The following CCNT2 variants were observed in gnomAD, a reference collection of about 807,000 sequenced individuals.
CCNT2 encodes cyclin-T2.
Under a neutral mutation model 70.0 loss-of-function variants are expected in CCNT2, and 18 were observed. The observed-to-expected ratio is 0.26, with a 90% CI of 0.18 to 0.38. The LOEUF (loss-of-function observed/expected upper bound fraction) is 0.38. Ranked by LOEUF, CCNT2 falls within the 10% of genes least tolerant of loss-of-function variation. The pLI, the probability that CCNT2 is intolerant of heterozygous loss-of-function variation, is 1.00. For synonymous variants in CCNT2, 334 were observed against 313.3 expected (o/e 1.07, Z -0.70); for missense variants, 734 against 890.2 (o/e 0.82, Z 2.23).
At chr2:134,930,345 T>G (rs1680650350) in intron 2 of CCNT2, among the ~76,000 whole-genome samples, 1 of 152,228 alleles carries the variant, frequency 6.6e-6, no homozygotes, top group African/African-American at 2.4e-5. Flanking sequence ...TAATATTCTA[T>G]TCGTCATGTG....
intron 5 of CCNT2, chr2:134,945,586 G>A: frequency 1.0e-6 from 1 of 985,348 alleles, no homozygotes; most frequent in Non-Finnish European, 1.2e-6. Flanking sequence ...ATTCTCTGTT[G>A]ATGCTTAATA....
At chr2:134,927,753 C>T (rs1275482428) in intron 2 of CCNT2, among the ~76,000 whole-genome samples, 1 of 152,116 alleles carries the variant, frequency 6.6e-6, no homozygotes, top group Non-Finnish European at 1.5e-5. Context: ...TATAAACATA[C>T]ATATACATTC....
intron 4 of CCNT2, among the ~76,000 whole-genome samples, chr2:134,941,344 ATTTTC>A (rs1681564933): frequency 6.6e-6 from 1 of 152,064 alleles, no homozygotes; most frequent in Non-Finnish European, 1.5e-5. Flanking sequence ...CTTCCTTATG[ATTTTC>A]TTAATAGTTT....
At position 134,921,259 on chromosome 2, in the gene CCNT2, A is replaced by G. The variant is rs555752733; in HGVS notation, c.240+1368A>G. Among the ~76,000 whole-genome samples the G allele has an allele frequency of 8.9e-4, 135 of 152,360 alleles. 1 individual carries two copies. Among genetic ancestry groups the G allele is most frequent in the African/African-American group, 3.1e-3 (128 of 41,586 alleles). ...ATCAAAATAGTTCTGACTATTCTTT[A>G]TATGGCTACAGATGTCCCATTTGCC... On this transcript the variant is annotated intron_variant, in intron 2 of 8. Coordinates refer to ENST00000264157, the MANE Select transcript of CCNT2 (RefSeq NM_058241.3).
At chr2:134,930,561 A>G (rs1040132612) in intron 2 of CCNT2, among the ~76,000 whole-genome samples, 8 of 152,314 alleles carry the variant, frequency 5.3e-5, no homozygotes, top group Non-Finnish European at 5.9e-5. Context: ...TTAGACTCCA[A>G]TAATCTTTTT....
chr2:134,953,224 T>G lies in CCNT2; in HGVS notation c.775-6T>G. 1 of 1,594,798 alleles carries G rather than the reference T, an allele frequency of 6.3e-7. No homozygotes were observed. The highest frequency in any genetic ancestry group is 1.1e-5 in the South Asian group (1 of 89,886). On this transcript the variant is annotated splice_polypyrimidine_tract_variant and splice_region_variant and intron_variant, in intron 8 of 8. Coordinates refer to ENST00000264157, the MANE Select transcript of CCNT2 (RefSeq NM_058241.3). ...TCACTGCTTCTTCTGTGTTTTATTT[T>G]AATAGGCTAATCAGGCAGCTAGGAA...
Position 134,955,815 on chromosome 2 carries a change from TAAAAA to T in CCNT2, c.*1169_*1173del, listed in dbSNP as rs3835806. On this transcript the variant is annotated 3_prime_UTR_variant, in exon 9 of 9. Transcript: ENST00000264157. ...AATTCTTTTATATTCTAACAATAAA[TAAAAA>T]AGAAAAGATTACTGACTGTGCATTG... 6.6e-6 allele frequency: 1 copy of T among 152,408 alleles called. No homozygotes were observed. Among genetic ancestry groups the T allele is most frequent in the African/African-American group, 2.4e-5 (1 of 41,406 alleles). 9.4% of individuals were successfully genotyped at this position (152,408 alleles called of 1,614,324 possible).
intron 4 of CCNT2, among the ~76,000 whole-genome samples, chr2:134,941,740 A>T (rs908756177): frequency 6.6e-6 from 1 of 152,238 alleles, no homozygotes; most frequent in Non-Finnish European, 1.5e-5. Context: ...GTTATATAAA[A>T]TCGTAATGTA....
At chr2:134,928,170 G>A (rs1476448139) in intron 2 of CCNT2, among the ~76,000 whole-genome samples, 1 of 151,780 alleles carries the variant, frequency 6.6e-6, no homozygotes, top group Non-Finnish European at 1.5e-5. Flanking sequence ...CCATATTGGT[G>A]AGGCTAGTCT....
rs1045401563 is a variant in CCNT2, at chr2:134,953,082, A to G, written c.775-148A>G. The G allele has an allele frequency of 6.4e-5, 37 of 579,442 alleles. No individual in the cohort carries two copies. In the Admixed American group the frequency reaches 7.9e-4, roughly 12 times the overall value. The allele number at this position is 579,442 out of a possible 1,614,324, so 35.9% of individuals were successfully genotyped here. ...TTTTATGCCTCTAAGGCATTTATTT[A>G]CTGACAACATAAAATCTTGAACCCC... On this transcript the variant is annotated intron_variant, in intron 8 of 8. Coordinates refer to ENST00000264157, the MANE Select transcript of CCNT2 (RefSeq NM_058241.3).
chr2:134,930,453 A>G (rs917117710), intron 2 of CCNT2, among the ~76,000 whole-genome samples: 1 of 152,220 alleles, frequency 6.6e-6, no homozygotes, highest in African/African-American at 2.4e-5. Flanking sequence ...TAATGCTGCT[A>G]TGAACATTCA....
Position 134,958,281 on chromosome 2 carries a change from A to C in CCNT2, c.*3633A>C, listed in dbSNP as rs748100135. The C allele has an allele frequency of 1.3e-5, 2 of 152,324 alleles. No individual in the cohort carries two copies. Among genetic ancestry groups the C allele is most frequent in the East Asian group, 3.9e-4 (2 of 5,188 alleles). The allele number at this position is 152,324 out of a possible 1,614,324, so 9.4% of individuals were successfully genotyped here. A position where few individuals can be genotyped will look rare whatever the true frequency, so the allele number is the denominator to read the frequency against. Reference sequence around the variant, plus strand: ...TCCAAATGAAAAGCATATCTGCTTAAATTTAGGATGTCTTTGCTGAGAATA... The same window carrying C: ...TCCAAATGAAAAGCATATCTGCTTACATTTAGGATGTCTTTGCTGAGAATA... On this transcript the variant is annotated 3_prime_UTR_variant, in exon 9 of 9. Transcript: ENST00000264157.
chr2:134,919,710 A>C (rs1679729411), intron 1 of CCNT2, 100 bp from the exon 2 acceptor site: 4 of 862,976 alleles, frequency 4.6e-6, no homozygotes, highest in Admixed American at 4.6e-5. Context: ...TTTGGATTTG[A>C]ATGGGAGGTA....
At chr2:134,942,730 T>C in intron 5 of CCNT2, 56 bp downstream of exon 5, 1 of 1,474,776 alleles carries the variant, frequency 6.8e-7, no homozygotes, top group Non-Finnish European at 9.2e-7. Context: ...TTATCTGTAA[T>C]TGATTTGGGT....
Position 134,957,060 on chromosome 2 carries a change from G to A in CCNT2, c.*2412G>A, listed in dbSNP as rs1487764636. On this transcript the variant is annotated 3_prime_UTR_variant, in exon 9 of 9. Coordinates refer to ENST00000264157, the MANE Select transcript of CCNT2 (RefSeq NM_058241.3). ...TTCAAACTCTTCAACCCCTGAACAG[G>A]GTATTAAGCTTCCAAAATAATGATG... 1.3e-5 allele frequency: 2 copies of A among 152,410 alleles called. No individual in the cohort carries two copies. The highest frequency in any genetic ancestry group is 2.9e-5 in the Non-Finnish European group (2 of 67,968). The allele number at this position is 152,410 out of a possible 1,614,324, so 9.4% of individuals were successfully genotyped here. A position where few individuals can be genotyped will look rare whatever the true frequency, so the allele number is the denominator to read the frequency against.
At position 134,953,995 on chromosome 2, in the gene CCNT2, A is replaced by G; in HGVS notation, c.1540A>G (p.Thr514Ala). Residue 514 changes from threonine (T) to alanine (A), a missense_variant, in exon 9 of 9, where the codon ACT becomes GCT. Thr to Ala is a moderately conservative substitution (Grantham distance 58). Coordinates refer to ENST00000264157, the MANE Select transcript of CCNT2 (RefSeq NM_058241.3). ...GAAATTACGGATTCCAATACCACCC[A>G]CTGATAAAAGCGCCAGTAAAGAAGA... ...SLKLRIPIPPTDKSASKEELK... is the reference protein window; with the variant it reads ...SLKLRIPIPPADKSASKEELK... 4.3e-6 allele frequency: 7 copies of G among 1,614,192 alleles called. No homozygotes were observed. Among genetic ancestry groups the G allele is most frequent in the Non-Finnish European group, 5.9e-6 (7 of 1,180,026 alleles).
chr2:134,944,637 T>A (rs1424434062), intron 5 of CCNT2: 1 of 982,346 alleles, frequency 1.0e-6, no homozygotes, highest in Non-Finnish European at 1.2e-6. Context: ...AAAATGTGAC[T>A]GATTCTTTGA....
chr2:134,952,518 T>A, intron 7 of CCNT2, 123 bp from the exon 8 acceptor site: 1 of 557,162 alleles, frequency 1.8e-6, no homozygotes, highest in Non-Finnish European at 3.2e-6. Context: ...ATGCTGAGGA[T>A]TTAATAGGAG....
intron 4 of CCNT2, among the ~76,000 whole-genome samples, chr2:134,940,576 ACTG>A (rs1457216497): frequency 1.3e-5 from 2 of 152,224 alleles, no homozygotes; most frequent in Non-Finnish European, 2.9e-5. Flanking sequence ...ACGTAACTGT[ACTG>A]CTGTGATAAT....
Sources: allele counts gnomAD v4.1 joint callset (sites outside exome capture counted in the v4.1 genomes callset), GRCh38; gene constraint gnomAD v4.1.1; transcripts MANE v1.5; gene names NCBI Gene and HGNC (gene_info 2026-07-23, HGNC 2026-07-21).